The following RP1 variants were observed in gnomAD, a reference collection of about 807,000 sequenced individuals.
The protein encoded by RP1 is oxygen-regulated protein 1.
Under a neutral mutation model 14.8 loss-of-function variants are expected in RP1, and 16 were observed. The observed-to-expected ratio is 1.08, with a 90% confidence interval of 0.73 to 1.65. The LOEUF (loss-of-function observed/expected upper bound fraction) is 1.65. RP1 is among the 40% of genes most tolerant of loss of function. RP1 has a pLI of 0.00. For synonymous variants in RP1, 876 were observed against 883.6 expected, an observed-to-expected ratio of 0.99 and a Z score of 0.15; for missense variants, 2,631 against 2,535.0, an observed-to-expected ratio of 1.04 and a Z score of -0.81.
chr8:54,801,586 C>T (rs1241335250), intron 24 of RP1, among the ~76,000 whole-genome samples: 3 of 151,378 alleles, frequency 2.0e-5, no homozygotes, highest in Non-Finnish European at 4.4e-5. Context: ...CCTTGGCTGC[C>T]GTTACTACCC....
intron 1 of RP1, among the ~76,000 whole-genome samples, chr8:54,568,350 T>G (rs779921497): frequency 6.6e-6 from 1 of 152,214 alleles, no homozygotes; most frequent in Non-Finnish European, 1.5e-5. Context: ...CAGCTAGCAA[T>G]CCCTGCTACA....
At position 54,628,953 on chromosome 8, in the gene RP1, T is replaced by G. The variant is rs414352; in HGVS notation, c.5071T>G (p.Ser1691Ala). 2 of 1,613,800 alleles carry G rather than the reference T, an allele frequency of 1.2e-6. No individual in the cohort carries two copies. Among genetic ancestry groups the G allele is most frequent in the Non-Finnish European group, 1.7e-6 (2 of 1,179,956 alleles). ...TTCTGAACAGGTATCTAGTAGTTCATCTATGTTGCAGGAATTCCAGGAGGA... is the reference window on the plus strand; with the variant it reads ...TTCTGAACAGGTATCTAGTAGTTCAGCTATGTTGCAGGAATTCCAGGAGGA... ...GSSEQVSSSS[S>A]MLQEFQEERQ... The change falls in exon 4 of 4, where the codon TCT becomes GCT. Residue 1691 changes from serine to alanine, a missense_variant. Transcript: ENST00000220676.
chr8:54,600,111 T>C (rs557904656), intron 1 of RP1, among the ~76,000 whole-genome samples: 2 of 152,232 alleles, frequency 1.3e-5, no homozygotes, highest in African/African-American at 4.8e-5. Flanking sequence ...CCACATGTTG[T>C]AGGAGGGAAC....
chr8:54,801,507 T>C (rs1324951239), intron 24 of RP1, among the ~76,000 whole-genome samples: 1 of 152,186 alleles, frequency 6.6e-6, no homozygotes, highest in East Asian at 1.9e-4. Flanking sequence ...AGTTTTTGTT[T>C]CTCTTCCCTC....
chr8:54,579,971 GT>G (rs1804746016), intron 1 of RP1, among the ~76,000 whole-genome samples: 1 of 152,182 alleles, frequency 6.6e-6, no homozygotes, highest in African/African-American at 2.4e-5. Flanking sequence ...AGGACCTCCT[GT>G]TTGGACTTCG....
At chr8:54,561,709 C>G (rs913325896) in intron 1 of RP1, 1 of 152,170 alleles carries the variant, frequency 6.6e-6, no homozygotes, top group Non-Finnish European at 1.5e-5. Flanking sequence ...ACTAGGTTGA[C>G]TCACTTAAAG....
intron 12 of RP1, among the ~76,000 whole-genome samples, chr8:54,697,668 G>C (rs973969151): frequency 6.6e-6 from 1 of 152,198 alleles, no homozygotes; most frequent in Non-Finnish European, 1.5e-5. Flanking sequence ...AACCAAAACA[G>C]CATGGTACTG....
chr8:54,748,119 T>C (rs1447550164), intron 19 of RP1, among the ~76,000 whole-genome samples: 1 of 152,230 alleles, frequency 6.6e-6, no homozygotes, highest in Non-Finnish European at 1.5e-5. Flanking sequence ...GTAACCTACT[T>C]GATATGAGCC....
In RP1 at chr8:54,626,835, A is replaced by T. The variant is rs2293869; in HGVS notation, c.2953A>T (p.Asn985Tyr). The change falls in exon 4 of 4, where the codon AAT becomes TAT. Residue 985 changes from asparagine (N) to tyrosine (Y), a missense_variant. Transcript: ENST00000220676. ...TAAAATTGCCGGTTTGACAGGAGAT[A>T]ATCTATGTAAAGAGGGAGATAAGTC... ...ITKIAGLTGD[N>Y]LCKEGDKSFI... 0.38 allele frequency: 620,674 copies of T among 1,613,258 alleles called. 125,356 individuals are homozygous for T. Among genetic ancestry groups the T allele is most frequent in the Middle Eastern group, 0.47 (2,848 of 6,060 alleles).
chr8:54,865,870 T>A, exon 28 of RP1: 1 of 1,230,066 alleles, frequency 8.1e-7, no homozygotes, highest in Non-Finnish European at 1.0e-6. Context: ...TGTTGTTAAG[T>A]CTGAAGATGA....
In RP1 at chr8:54,764,418, C is replaced by G. The variant is rs867307262; in HGVS notation, c.3249-5323C>G. ...CTGTAGGCTTTCATGGGTATATTTA[C>G]TGGTGAGTTGACAAAAGATGCGTCA... On this transcript the variant is annotated intron_variant, in intron 22 of 22. Coordinates refer to the RP1 transcript ENST00000636932. Among the ~76,000 whole-genome samples, 14 of 152,240 alleles carry G rather than the reference C, an allele frequency of 9.2e-5. 1 individual carries two copies. The South Asian group carries it at 1.4e-3, about 16-fold the overall frequency.
At chr8:54,618,445 G>A (rs924890914) in intron 1 of RP1, among the ~76,000 whole-genome samples, 1 of 152,064 alleles carries the variant, frequency 6.6e-6, no homozygotes, top group African/African-American at 2.4e-5. Context: ...TGGTCACCAG[G>A]TTAACAGCTC....
At chr8:54,817,044 T>C (rs972760744) in intron 24 of RP1, among the ~76,000 whole-genome samples, 2 of 152,094 alleles carry the variant, frequency 1.3e-5, no homozygotes, top group East Asian at 3.9e-4. Context: ...CTGGCCACCC[T>C]ATCTAGAATG....
intron 1 of RP1, among the ~76,000 whole-genome samples, chr8:54,594,623 T>C (rs1585535166): frequency 6.6e-6 from 1 of 152,242 alleles, no homozygotes; most frequent in East Asian, 1.9e-4. Flanking sequence ...AAATTAAGAC[T>C]TAAATTTGAA....
chr8:54,808,857 C>T (rs1810923279), intron 24 of RP1, among the ~76,000 whole-genome samples: 2 of 152,174 alleles, frequency 1.3e-5, no homozygotes, highest in South Asian at 2.1e-4. Context: ...GATGGCCACA[C>T]CCCGTTCTAC....
intron 8 of RP1, chr8:54,678,375 G>T: frequency 8.9e-7 from 1 of 1,117,692 alleles, no homozygotes; most frequent in Non-Finnish European, 1.3e-6. Context: ...CATATATTTG[G>T]AAGTTAGAAC....
intron 24 of RP1, among the ~76,000 whole-genome samples, chr8:54,810,089 G>A (rs1250363701): frequency 6.6e-6 from 1 of 152,148 alleles, no homozygotes; most frequent in African/African-American, 2.4e-5. Context: ...CTGACCATAT[G>A]CTCTAGTGAA....
At chr8:54,569,692 C>T (rs1301366092) in intron 1 of RP1, among the ~76,000 whole-genome samples, 5 of 152,152 alleles carry the variant, frequency 3.3e-5, no homozygotes, top group Admixed American at 6.5e-5. Flanking sequence ...TCACTGAGGG[C>T]CCAGTGGTTG....
rs779213123 is a variant in RP1, at chr8:54,622,110, C to T, written c.616-7C>T. ...CATCTCAGGATAATGACTCTGGTCT[C>T]TTTTAGGTTCCCAGCCTCCAGGCAG... On this transcript the variant is annotated splice_polypyrimidine_tract_variant and splice_region_variant and intron_variant, in intron 2 of 3. Transcript: ENST00000220676. The T allele has an allele frequency of 6.2e-6, 10 of 1,613,986 alleles. No individual in the cohort carries two copies. In the Admixed American group the frequency reaches 1.0e-4, roughly 16 times the overall value.
Sources: allele counts gnomAD v4.1 joint callset (sites outside exome capture counted in the v4.1 genomes callset), GRCh38; gene constraint gnomAD v4.1.1; transcripts MANE v1.5; gene names NCBI Gene and HGNC (gene_info 2026-07-23, HGNC 2026-07-21).